The following NUP155 variants were observed in gnomAD, a reference collection of about 807,000 sequenced individuals.
NUP155 encodes the protein nucleoporin 155, also known as nuclear pore complex protein Nup155.
Under a neutral mutation model 180.4 loss-of-function variants are expected in NUP155, and 71 were observed. The ratio of observed to expected loss-of-function variants is 0.39; its 90% CI spans 0.33 to 0.48. The LOEUF is 0.48. Among genes scored for constraint, NUP155 ranks in the 20% least tolerant of loss-of-function variants. The probability of loss-of-function intolerance (pLI) is 0.91; values close to 1 mark genes in which losing one functional copy is unlikely to be tolerated. For missense variants in NUP155, 1,553 were observed against 1,648.9 expected (o/e 0.94, Z 1.01); for synonymous variants, 582 against 559.5 (o/e 1.04, Z -0.57).
chr5:37,311,640 T>C (rs949063551), intron 22 of NUP155, among the ~76,000 whole-genome samples: 1 of 151,568 alleles, frequency 6.6e-6, no homozygotes, highest in Non-Finnish European at 1.5e-5. Context: ...TAATGAAATA[T>C]CCATACAGGA....
At position 37,350,264 on chromosome 5, in the gene NUP155, G is replaced by A. The variant is rs752391014; in HGVS notation, c.725C>T (p.Ala242Val). Residue 242 changes from alanine (A) to valine (V), a missense_variant and splice_region_variant, in exon 7 of 35, where the codon GCT becomes GTT. By Grantham distance (64) the Ala-to-Val change is moderately conservative. Transcript: ENST00000231498. Reference protein sequence around the residue: ...DGCLYEVAYQAEAGWFSQRCR... With the variant: ...DGCLYEVAYQVEAGWFSQRCR... ...TCTTTGGCTAAACCACCCTGCTTCAGCCTTAAAGAAAAAAGTAGAAAGACG... is the reference window on the plus strand; with the variant it reads ...TCTTTGGCTAAACCACCCTGCTTCAACCTTAAAGAAAAAAGTAGAAAGACG... The A allele has an allele frequency of 3.1e-6, 5 of 1,609,858 alleles. No homozygotes were observed.
chr5:37,327,376 C>A (rs928588145), intron 18 of NUP155, among the ~76,000 whole-genome samples: 1 of 152,114 alleles, frequency 6.6e-6, no homozygotes, highest in Non-Finnish European at 1.5e-5. Context: ...CATCCCCTAA[C>A]CCCTGTGTTA....
Position 37,351,265 on chromosome 5 carries a change from T to C in NUP155, c.648A>G (p.Leu216=), listed in dbSNP as rs992544873. The change falls in exon 6 of 35, where the codon TTA becomes TTG. Residue 216 remains leucine, a synonymous_variant. Coordinates refer to ENST00000231498, the MANE Select transcript of NUP155 (RefSeq NM_153485.3). ...TGCCATTATCAGTGGAAGTTATTGT[T>C]AAAAGGTAAGTATTATCAGTAGGAA... ...YSLPTDNTYL[L]TITSTDNGRI... The C allele has an allele frequency of 1.3e-5, 21 of 1,613,286 alleles. 1 individual carries two copies. The Admixed American group carries it at 2.8e-4, about 22-fold the overall frequency.
intron 14 of NUP155, 104 bp downstream of exon 14, chr5:37,331,577 AATAT>A (rs910187290): frequency 9.6e-6 from 5 of 523,180 alleles, no homozygotes; most frequent in Non-Finnish European, 1.3e-5. Flanking sequence ...TCCATCTCAA[AATAT>A]ATATATATAT....
chr5:37,309,382 G>T, intron 23 of NUP155, 115 bp from the exon 24 acceptor site: 414 of 800,720 alleles, frequency 5.2e-4, no homozygotes, highest in Middle Eastern at 1.4e-3. Context: ...CCATTAAAAT[G>T]AAAACAACTC....
At chr5:37,351,104 T>C in intron 6 of NUP155, 86 bp downstream of exon 6, 2 of 1,052,626 alleles carry the variant, frequency 1.9e-6, no homozygotes, top group South Asian at 2.8e-5. Context: ...ATTAATGTCC[T>C]TATATAATTA....
At chr5:37,321,604 CT>C (rs1744248751) in intron 20 of NUP155, among the ~76,000 whole-genome samples, 1 of 151,686 alleles carries the variant, frequency 6.6e-6, no homozygotes, top group Non-Finnish European at 1.5e-5. Flanking sequence ...GTAATCCCAG[CT>C]ACTCGGGAGG....
intron 16 of NUP155, among the ~76,000 whole-genome samples, chr5:37,328,929 T>C (rs1255830866): frequency 6.6e-6 from 1 of 152,200 alleles, no homozygotes; most frequent in South Asian, 2.1e-4. Flanking sequence ...GAGTTAATTA[T>C]TAAATCATTC....
intron 3 of NUP155, among the ~76,000 whole-genome samples, chr5:37,362,167 G>A (rs1407425019): frequency 4.6e-5 from 7 of 152,026 alleles, no homozygotes; most frequent in Non-Finnish European, 1.0e-4. Context: ...CATGAGGGCA[G>A]AACTACATTC....
At chr5:37,304,999 A>G (rs1468049884) in intron 26 of NUP155, 58 bp downstream of exon 26, 2 of 1,576,402 alleles carry the variant, frequency 1.3e-6, no homozygotes, top group Non-Finnish European at 1.7e-6. Flanking sequence ...TGCTACCATT[A>G]CCATGGAGAA....
intron 20 of NUP155, among the ~76,000 whole-genome samples, chr5:37,322,434 G>A (rs1281478472): frequency 2.0e-5 from 3 of 152,128 alleles, no homozygotes; most frequent in African/African-American, 7.2e-5. Flanking sequence ...TTGGCTGGGC[G>A]CGGTGGCTCA....
rs1742104872 is a variant in NUP155 at position 37,288,423 on chromosome 5, A to C, written c.*3477T>G. ...TAAATGTACATGTACATCAGTCAGT[A>C]TCTCATAGCATAAACAGTTAGTCAA... is the stretch of plus-strand genomic sequence containing the variant. On this transcript the variant is annotated 3_prime_UTR_variant, in exon 35 of 35. Transcript: ENST00000231498. 1 of 151,504 alleles carries C rather than the reference A, an allele frequency of 6.6e-6. No individual in the cohort carries two copies. Among genetic ancestry groups the C allele is most frequent in the African/African-American group, 2.4e-5 (1 of 40,932 alleles). 9.4% of individuals were successfully genotyped at this position (151,504 alleles called of 1,614,324 possible). A position where few individuals can be genotyped will look rare whatever the true frequency, so the allele number is the denominator to read the frequency against.
chr5:37,304,518 G>A (rs111940525), intron 27 of NUP155, among the ~76,000 whole-genome samples: 3 of 152,042 alleles, frequency 2.0e-5, no homozygotes, highest in Non-Finnish European at 4.4e-5. Context: ...TTTCTACCCC[G>A]CAATACAAAC....
chr5:37,335,999 A>C (rs1745305374), intron 12 of NUP155, among the ~76,000 whole-genome samples: 1 of 152,072 alleles, frequency 6.6e-6, no homozygotes. Context: ...AATATAATTT[A>C]ACACCTAACC....
At chr5:37,299,648 T>TA (rs1290744829) in intron 30 of NUP155, 80 bp from the exon 31 acceptor site, 3 of 1,396,196 alleles carry the variant, frequency 2.1e-6, no homozygotes, top group East Asian at 4.6e-5. Flanking sequence ...CCTTGAAAAT[T>TA]AAAAAATAAC....
intron 3 of NUP155, among the ~76,000 whole-genome samples, chr5:37,360,716 G>C (rs921094845): frequency 1.3e-5 from 2 of 150,452 alleles, no homozygotes; most frequent in African/African-American, 4.9e-5. Flanking sequence ...AACCCAGGAG[G>C]TTGAGGCTGC....
At position 37,352,723 on chromosome 5, in the gene NUP155, G is replaced by A. The variant is rs1175369416; in HGVS notation, c.556+14C>T. Reference sequence around the variant, plus strand: ...CTATTATTTTAAAAAACGTTAACATGTGGGTTGCCATACCTGTTTGCAAAT... The same window carrying A: ...CTATTATTTTAAAAAACGTTAACATATGGGTTGCCATACCTGTTTGCAAAT... On this transcript the variant is annotated intron_variant, in intron 5 of 34. Transcript: ENST00000231498. The A allele has an allele frequency of 6.4e-7, 1 of 1,566,044 alleles. No individual in the cohort carries two copies. The highest frequency in any genetic ancestry group is 8.8e-7 in the Non-Finnish European group (1 of 1,136,524).
intron 32 of NUP155, among the ~76,000 whole-genome samples, chr5:37,295,492 C>T (rs1742488563): frequency 6.6e-6 from 1 of 151,902 alleles, no homozygotes; most frequent in Non-Finnish European, 1.5e-5. Context: ...TGAGGAGCGT[C>T]TCTGCCTGGC....
At chr5:37,347,639 T>G (rs1196684160) in intron 9 of NUP155, among the ~76,000 whole-genome samples, 1 of 141,508 alleles carries the variant, frequency 7.1e-6, no homozygotes, top group Non-Finnish European at 1.5e-5. Context: ...GAGGTTGCAG[T>G]GAGCCGAGAC....
Sources: allele counts gnomAD v4.1 joint callset (sites outside exome capture counted in the v4.1 genomes callset), GRCh38; gene constraint gnomAD v4.1.1; transcripts MANE v1.5; gene names NCBI Gene and HGNC (gene_info 2026-07-23, HGNC 2026-07-21).